Variants in TRIM49B observed in about 807,000 individuals in gnomAD.
TRIM49B encodes tripartite motif containing 49B, also known as putative tripartite motif-containing protein 49B.
TRIM49B carries 18 observed loss-of-function variants against 31.8 expected under a neutral mutation model. The ratio of observed to expected loss-of-function variants is 0.57; its 90% CI spans 0.39 to 0.84. The LOEUF (loss-of-function observed/expected upper bound fraction) is 0.84. Ranked by LOEUF, TRIM49B falls within the 40% of genes least tolerant of loss-of-function variation. The pLI, the probability that TRIM49B is intolerant of heterozygous loss-of-function variation, is 0.00. For synonymous variants in TRIM49B, 196 were observed against 180.6 expected (o/e 1.09, Z -0.68); for missense variants, 494 against 538.7 (o/e 0.92, Z 0.82).
At chr11:49,036,205 T>C (rs1361933720) in intron 5 of TRIM49B, 96 bp from the exon 6 acceptor site, 14 of 1,570,332 alleles carry the variant, frequency 8.9e-6, no homozygotes, top group South Asian at 4.6e-5. Context: ...AATGTGTAGA[T>C]TCAAAGGATT....
intron 1 of TRIM49B, 40 bp from the exon 2 acceptor site, chr11:49,031,556 A>G (rs555895098): frequency 6.2e-7 from 1 of 1,608,308 alleles, no homozygotes. Context: ...CTTTTCATCA[A>G]CCCAGGCCCC....
intron 4 of TRIM49B, 103 bp from the exon 5 acceptor site, chr11:49,034,992 G>A: frequency 6.4e-7 from 1 of 1,558,632 alleles, no homozygotes; most frequent in Non-Finnish European, 8.7e-7. Flanking sequence ...AAGATGGTAG[G>A]GGAATAATAT....
intron 1 of TRIM49B, among the ~76,000 whole-genome samples, chr11:49,029,702 A>C (rs1854421934): frequency 6.6e-6 from 1 of 152,252 alleles, no homozygotes; most frequent in Non-Finnish European, 1.5e-5. Context: ...CAAAGATTAT[A>C]GTTTTTATAT....
At chr11:49,035,912 A>T (rs1854523467) in intron 5 of TRIM49B, among the ~76,000 whole-genome samples, 1 of 152,136 alleles carries the variant, frequency 6.6e-6, no homozygotes, top group Admixed American at 6.5e-5. Flanking sequence ...GGGAGAGAAC[A>T]AGTTTCCATT....
At position 49,037,722 on chromosome 11, in the gene TRIM49B, T is replaced by G; in HGVS notation, c.1104T>G (p.Asn368Lys). ...CNMYWKEKNQ[N>K]EKIDGEDGLF... The stretch of plus-strand genomic sequence containing the variant: ...TGTATTGGAAAGAGAAGAATCAGAA[T>G]GAGAAGATAGATGGAGAGGATGGAC... Residue 368 changes from asparagine to lysine, a missense_variant, in exon 7 of 7, where the codon AAT (asparagine) becomes AAG (lysine). Asn to Lys is a moderately conservative substitution (Grantham distance 94, BLOSUM62 0). Around this residue, in one of 3 missense-constraint regions of TRIM49B, gnomAD observed 233 missense variants for 281.4 expected, o/e 0.83. Coordinates refer to ENST00000332682, the MANE Select transcript of TRIM49B (RefSeq NM_001206626.2). 1.2e-6 allele frequency: 2 copies of G among 1,613,938 alleles called. No individual in the cohort carries two copies. The highest frequency in any genetic ancestry group is 1.7e-6 in the Non-Finnish European group (2 of 1,179,864).
intron 3 of TRIM49B, among the ~76,000 whole-genome samples, chr11:49,033,402 G>A (rs1416747556): frequency 2.0e-5 from 3 of 152,108 alleles, no homozygotes; most frequent in Non-Finnish European, 4.4e-5. Flanking sequence ...GAACACAAAT[G>A]TGTGTGTGGA....
rs1330698490 is a variant in TRIM49B at position 49,032,527 on chromosome 11, C to T, written c.507+156C>T. 8.6e-5 allele frequency among the ~76,000 whole-genome samples: 13 copies of T among 151,720 alleles called. 1 individual carries two copies. In the East Asian group the frequency reaches 2.5e-3, roughly 29 times the overall value. ...AGAAAACATTGAGAAAAAGTGGCCT[C>T]ATTTTTATATAGAATAGTATGCCTG... On this transcript the variant is annotated intron_variant, in intron 3 of 6. Coordinates refer to ENST00000332682, the MANE Select transcript of TRIM49B (RefSeq NM_001206626.2).
chr11:49,032,231 A>C (rs780164366), intron 2 of TRIM49B, 45 bp from the exon 3 acceptor site: 2 of 1,611,700 alleles, frequency 1.2e-6, no homozygotes, highest in Admixed American at 1.7e-5. Flanking sequence ...GCCCCTCCCT[A>C]TGTCATGGTC....
rs557026582 is a variant in TRIM49B at position 49,037,386 on chromosome 11, T to A, written c.860-92T>A. 105 of 1,467,094 alleles carry A rather than the reference T, an allele frequency of 7.2e-5. No homozygotes were observed. In the African/African-American group the frequency reaches 1.1e-3, roughly 16 times the overall value. 90.9% of individuals were successfully genotyped at this position (1,467,094 alleles called of 1,614,324 possible). On this transcript the variant is annotated intron_variant, in intron 6 of 6. Coordinates refer to ENST00000332682, the MANE Select transcript of TRIM49B (RefSeq NM_001206626.2). ...TAGAAGTTACAAGCAAAACTTTTTA[T>A]GACTTTACATTTGCTGGTAAAGTAA...
At chr11:49,032,116 G>A (rs112252704) in intron 2 of TRIM49B, 106 bp downstream of exon 2, 68 of 1,593,946 alleles carry the variant, frequency 4.3e-5, no homozygotes, top group Non-Finnish European at 5.8e-5. Context: ...CCTTTAAGCA[G>A]CTCTGTTTGG....
rs1327165671 is a variant in TRIM49B, at chr11:49,037,496, A to ATG, written c.879_880dup (p.Glu294ValfsTer14). The ATG allele has an allele frequency of 1.9e-6, 3 of 1,613,934 alleles. No individual in the cohort carries two copies. Among genetic ancestry groups the ATG allele is most frequent in the Non-Finnish European group, 2.5e-6 (3 of 1,179,996 alleles). On this transcript the variant is annotated frameshift_variant, in exon 7 of 7. Transcript: ENST00000332682. LOFTEE classifies it low-confidence loss of function (END_TRUNC). Reference sequence around the variant, plus strand: ...TTTGCAGTGCATATTACTCTGCATCATGAAGAAGCCAACAGTGATATCTTT... The same window carrying ATG: ...TTTGCAGTGCATATTACTCTGCATCATGTGAAGAAGCCAACAGTGATATCTTT...
intron 1 of TRIM49B, among the ~76,000 whole-genome samples, chr11:49,031,371 C>A (rs1370714034): frequency 6.6e-5 from 10 of 152,128 alleles, no homozygotes; most frequent in Admixed American, 6.5e-4. Flanking sequence ...CAGACAGGAA[C>A]TAGGAGTAGA....
chr11:49,037,789 C>A lies in TRIM49B; in HGVS notation c.1171C>A (p.Leu391Ile), dbSNP rs773233826. 13 of 1,613,978 alleles carry A rather than the reference C, an allele frequency of 8.1e-6. No homozygotes were observed. The South Asian group carries it at 1.3e-4, about 16-fold the overall frequency. Residue 391 changes from leucine (L) to isoleucine (I), a missense_variant, in exon 7 of 7, where the codon CTC becomes ATC. Physicochemically the swap from Leu to Ile is conservative, Grantham distance 5. Transcript: ENST00000332682. ...TGTTAAGAATGACATTCAACGCAGT[C>A]TCTTTACCACCTCCCCACTTCTGCT... ...GCVKNDIQRS[L>I]FTTSPLLLQY... is the part of the protein sequence containing the mutation.
chr11:49,032,058 T>G, intron 2 of TRIM49B, 48 bp downstream of exon 2: 1 of 1,611,422 alleles, frequency 6.2e-7, no homozygotes, highest in Non-Finnish European at 8.5e-7. Flanking sequence ...TACATAAAAT[T>G]CCTGTGGGTC....
At chr11:49,034,004 A>C (rs1353101097) in intron 3 of TRIM49B, 142 bp from the exon 4 acceptor site, 13 of 1,416,178 alleles carry the variant, frequency 9.2e-6, no homozygotes, top group African/African-American at 1.4e-5. Context: ...GAAAAAAGGA[A>C]AGGAACAAAA....
At chr11:49,036,656 G>A (rs1158574297) in intron 6 of TRIM49B, among the ~76,000 whole-genome samples, 1 of 152,016 alleles carries the variant, frequency 6.6e-6, no homozygotes, top group African/African-American at 2.4e-5. Flanking sequence ...GAGTAGTGTA[G>A]AAAATTTAAA....
rs559823703 is a variant in TRIM49B at position 49,033,890 on chromosome 11, G to A, written c.508-256G>A. The stretch of plus-strand genomic sequence containing the variant: ...TTCCATAAATATGGGTTGGAATAGC[G>A]AAATTCAAATTGTGTTTTTTTATTT... On this transcript the variant is annotated intron_variant, in intron 3 of 6. Transcript: ENST00000332682. Among the ~76,000 whole-genome samples, 201 of 152,236 alleles carry A rather than the reference G, an allele frequency of 1.3e-3. 1 individual carries two copies. The highest frequency in any genetic ancestry group is 4.1e-3 in the Admixed American group (63 of 15,292).
intron 3 of TRIM49B, 57 bp from the exon 4 acceptor site, chr11:49,034,089 A>G: frequency 8.7e-6 from 14 of 1,609,954 alleles, no homozygotes; most frequent in Non-Finnish European, 1.2e-5. Flanking sequence ...AATCAGTGAG[A>G]TTTAATAGGA....
chr11:49,035,499 AC>A (rs1854515511), intron 5 of TRIM49B, among the ~76,000 whole-genome samples: 1 of 151,700 alleles, frequency 6.6e-6, no homozygotes, highest in African/African-American at 2.4e-5. Flanking sequence ...ACCGGGGACT[AC>A]AGGCGCCCGC....
Sources: gnomAD v4.1 joint callset for allele counts (sites outside exome capture counted in the v4.1 genomes callset) on GRCh38, gnomAD v4.1.1 for gene constraint, gnomAD v4.1.1 regional missense constraint, MANE v1.5 for transcripts, NCBI Gene and HGNC (gene_info 2026-07-23, HGNC 2026-07-21) for gene names.